RBFOX1: variants seen among roughly 807,000 people sequenced by gnomAD.
RBFOX1 encodes the protein RNA binding fox-1 homolog 1, also known as RNA binding protein fox-1 homolog 1.
In RBFOX1, 8 loss-of-function variants were observed where a neutral mutation model predicts 57.7. The observed-to-expected ratio is 0.14, with a 90% CI of 0.08 to 0.25. The LOEUF is 0.25. RBFOX1 is among the 10% of genes least tolerant of loss of function. The pLI is 1.00. For synonymous variants in RBFOX1, 326 were observed against 222.4 expected (o/e 1.47, Z -4.15); for missense variants, 611 against 548.5 (o/e 1.11, Z -1.14).
intron 9 of RBFOX1, 91 bp downstream of exon 9, chr16:7,597,522 T>C: frequency 8.4e-7 from 1 of 1,186,588 alleles, no homozygotes; most frequent in East Asian, 2.5e-5. Context: ...CAAGCTGTGT[T>C]TGCCTGGGCA....
chr16:6,492,355 G>A (rs892013896), intron 2 of RBFOX1, among the ~76,000 whole-genome samples: 26 of 152,170 alleles, frequency 1.7e-4, no homozygotes, highest in African/African-American at 6.0e-4. Context: ...GGATCATGAG[G>A]TCAGGAGTTC....
chr16:7,208,274 A>G (rs1044608164), intron 4 of RBFOX1, among the ~76,000 whole-genome samples: 1 of 152,178 alleles, frequency 6.6e-6, no homozygotes, highest in African/African-American at 2.4e-5. Context: ...TTTGCCTCAC[A>G]ATGTGACTGT....
chr16:7,332,771 A>T (rs1339728911), intron 4 of RBFOX1: 1 of 1,383,526 alleles, frequency 7.2e-7, no homozygotes, highest in Non-Finnish European at 9.4e-7. Flanking sequence ...TGGTAGCTTC[A>T]ACTTTGCAGC....
At chr16:6,593,128 G>A (rs1283994276) in intron 2 of RBFOX1, among the ~76,000 whole-genome samples, 3 of 152,144 alleles carry the variant, frequency 2.0e-5, no homozygotes, top group Non-Finnish European at 4.4e-5. Context: ...GAAGACAGAG[G>A]TTGCAGTGGG....
intron 4 of RBFOX1, chr16:7,333,020 G>A: frequency 2.5e-6 from 4 of 1,613,776 alleles, no homozygotes; most frequent in Non-Finnish European, 3.4e-6. Context: ...GTCTCAAGGA[G>A]TTCTCCTGCA....
At chr16:7,370,497 T>A (rs1386420148) in intron 4 of RBFOX1, among the ~76,000 whole-genome samples, 5 of 152,314 alleles carry the variant, frequency 3.3e-5, no homozygotes, top group Middle Eastern at 6.8e-3. Context: ...AAGTTCTGTC[T>A]CCCTCACTTT....
intron 9 of RBFOX1, among the ~76,000 whole-genome samples, chr16:7,603,428 C>G (rs2095140931): frequency 1.3e-5 from 2 of 152,060 alleles, no homozygotes; most frequent in South Asian, 4.2e-4. Flanking sequence ...AAGACAAGAG[C>G]AAGCAAAGAA....
At chr16:6,125,652 G>A (rs539304386) in intron 1 of RBFOX1, among the ~76,000 whole-genome samples, 3 of 152,262 alleles carry the variant, frequency 2.0e-5, no homozygotes, top group East Asian at 3.9e-4. Flanking sequence ...GGGTGAAAAG[G>A]CCTTGGGAGC....
intron 2 of RBFOX1, among the ~76,000 whole-genome samples, chr16:6,419,635 G>A (rs2093720567): frequency 6.6e-6 from 1 of 152,142 alleles, no homozygotes; most frequent in Non-Finnish European, 1.5e-5. Context: ...TCCCTGCGTG[G>A]TGTGGTTGCA....
intron 1 of RBFOX1, among the ~76,000 whole-genome samples, chr16:6,304,876 C>CAGAAAAAAA (rs2079280755): frequency 1.3e-5 from 1 of 79,676 alleles, no homozygotes; most frequent in African/African-American, 6.1e-5. Flanking sequence ...GACCCTGTCT[C>CAGAAAAAAA]AAAAAAAAAA....
At chr16:7,512,974 T>C (rs1161269545) in intron 4 of RBFOX1, among the ~76,000 whole-genome samples, 2 of 152,112 alleles carry the variant, frequency 1.3e-5, no homozygotes, top group African/African-American at 4.8e-5. Context: ...TATTTAAAAA[T>C]GGGAAGTGGA....
At chr16:7,234,817 A>G (rs2093688689) in intron 4 of RBFOX1, among the ~76,000 whole-genome samples, 1 of 152,062 alleles carries the variant, frequency 6.6e-6, no homozygotes, top group African/African-American at 2.4e-5. Flanking sequence ...AAAATATGCA[A>G]GGCACCCCAT....
intron 2 of RBFOX1, among the ~76,000 whole-genome samples, chr16:6,622,732 G>T (rs956588182): frequency 6.6e-6 from 1 of 152,132 alleles, no homozygotes; most frequent in Non-Finnish European, 1.5e-5. Flanking sequence ...TTTTAAAAGT[G>T]TGCTTGTATT....
intron 4 of RBFOX1, among the ~76,000 whole-genome samples, chr16:7,435,970 A>G (rs2098718410): frequency 6.6e-6 from 1 of 152,204 alleles, no homozygotes; most frequent in African/African-American, 2.4e-5. Context: ...CTTTTATGAC[A>G]TAGCGACCTC....
chr16:6,658,690 C>G (rs1017359756), intron 3 of RBFOX1, among the ~76,000 whole-genome samples: 8 of 152,114 alleles, frequency 5.3e-5, no homozygotes, highest in Non-Finnish European at 1.5e-5. Flanking sequence ...ATTTGGAAAA[C>G]CTTGCCTGGC....
intron 4 of RBFOX1, among the ~76,000 whole-genome samples, chr16:7,467,249 G>A (rs1412271439): frequency 6.6e-6 from 1 of 152,090 alleles, no homozygotes; most frequent in East Asian, 1.9e-4. Flanking sequence ...AGTCTCCTAG[G>A]CGACCTCTCA....
At chr16:5,673,695 A>C (rs963312160) in intron 3 of RBFOX1, among the ~76,000 whole-genome samples, 2 of 152,196 alleles carry the variant, frequency 1.3e-5, no homozygotes, top group South Asian at 4.2e-4. Flanking sequence ...CTCCTTCTCT[A>C]GCTACTTATT....
At chr16:6,782,488 A>G (rs535074694) in intron 3 of RBFOX1, among the ~76,000 whole-genome samples, 2 of 151,300 alleles carry the variant, frequency 1.3e-5, no homozygotes, top group Non-Finnish European at 2.9e-5. Flanking sequence ...CATGTTTTCT[A>G]TTTTTTCATG....
At chr16:6,805,803 A>G (rs1334350213) in intron 3 of RBFOX1, among the ~76,000 whole-genome samples, 3 of 152,168 alleles carry the variant, frequency 2.0e-5, no homozygotes, top group Non-Finnish European at 4.4e-5. Context: ...AGATTTTCAC[A>G]TCTTCGCTGC....
Sources: allele counts gnomAD v4.1 joint callset (sites outside exome capture counted in the v4.1 genomes callset), GRCh38; gene constraint gnomAD v4.1.1; transcripts MANE v1.5; gene names NCBI Gene and HGNC (gene_info 2026-07-23, HGNC 2026-07-21).